Variants in BRSK2 observed in about 807,000 individuals in gnomAD.
The protein encoded by BRSK2 is BR serine/threonine kinase 2.
A neutral mutation model predicts 83.3 loss-of-function variants in BRSK2; 19 were observed. That is an observed-to-expected ratio of 0.23 (90% confidence interval 0.16 to 0.33). The LOEUF is 0.33. BRSK2 is among the 10% of genes least tolerant of loss of function. The pLI is 1.00. For missense variants in BRSK2, 798 were observed against 1,042.3 expected (o/e 0.77, Z 3.23); for synonymous variants, 519 against 435.4 (o/e 1.19, Z -2.39).
chr11:1,399,231 G>T (rs768238893), intron 1 of BRSK2, among the ~76,000 whole-genome samples: 1 of 152,148 alleles, frequency 6.6e-6, no homozygotes, highest in Non-Finnish European at 1.5e-5. Context: ...GGTTCCAGAC[G>T]CTGGCTGAGT....
chr11:1,433,824 C>T (rs1407928551), intron 1 of BRSK2, among the ~76,000 whole-genome samples: 1 of 152,238 alleles, frequency 6.6e-6, no homozygotes, highest in Non-Finnish European at 1.5e-5. Flanking sequence ...CCACCCCCCA[C>T]CCCTGGCACT....
At chr11:1,413,503 G>C (rs1301442937) in intron 1 of BRSK2, among the ~76,000 whole-genome samples, 2 of 152,192 alleles carry the variant, frequency 1.3e-5, no homozygotes, top group Non-Finnish European at 2.9e-5. Flanking sequence ...TGCCCAGGCT[G>C]TGCCCTGACC....
chr11:1,428,977 CGTGTGCACTGG>C (rs1849582090), intron 1 of BRSK2, among the ~76,000 whole-genome samples: 1 of 143,682 alleles, frequency 7.0e-6, no homozygotes, highest in African/African-American at 2.6e-5. Context: ...GGCGTGTGGG[CGTGTGCACTGG>C]GTGTGTCCTG....
intron 1 of BRSK2, among the ~76,000 whole-genome samples, chr11:1,418,815 A>T (rs1848364982): frequency 6.6e-6 from 1 of 152,256 alleles, no homozygotes; most frequent in African/African-American, 2.4e-5. Flanking sequence ...GCTCAGCCAG[A>T]TCCAAACAGG....
Position 1,461,164 on chromosome 11 carries a change from G to A in BRSK2, c.*441G>A, listed in dbSNP as rs573708670. ...CCCGTGGGAGGAAGGCCAGGCTCGG[G>A]GGAGCCTCCTCCAGCCCGGCCGACC... On this transcript the variant is annotated 3_prime_UTR_variant, in exon 20 of 20. Coordinates refer to ENST00000528841, the MANE Select transcript of BRSK2 (RefSeq NM_001256627.2). The A allele has an allele frequency of 2.1e-3, 2,125 of 995,916 alleles. 7 individuals carry two copies. The highest frequency in any genetic ancestry group is 6.7e-3 in the Admixed American group (225 of 33,808). The allele number at this position is 995,916 out of a possible 1,614,324, so 61.7% of individuals were successfully genotyped here.
chr11:1,399,109 CG>C (rs1846305399), intron 1 of BRSK2, among the ~76,000 whole-genome samples: 1 of 152,186 alleles, frequency 6.6e-6, no homozygotes, highest in African/African-American at 2.4e-5. Flanking sequence ...CAGGCAGCCC[CG>C]CCCCAGGCCA....
intron 3 of BRSK2, among the ~76,000 whole-genome samples, chr11:1,439,806 G>A (rs973654363): frequency 6.7e-6 from 1 of 148,754 alleles, no homozygotes; most frequent in African/African-American, 2.5e-5. Flanking sequence ...CCCTGCCCTG[G>A]GGGCTTCACA....
chr11:1,461,012 CCT>C lies in BRSK2; in HGVS notation c.*292_*293del. 2.5e-6 allele frequency: 4 copies of C among 1,611,986 alleles called. No individual in the cohort carries two copies. Among genetic ancestry groups the C allele is most frequent in the Non-Finnish European group, 3.4e-6 (4 of 1,179,284 alleles). Reference sequence around the variant, plus strand: ...TAACATGTCACCTCCACGAGGCCATCCTCTGTGACCGAAGGCAGCTGCTGCGG... The same window carrying C: ...TAACATGTCACCTCCACGAGGCCATCCTGTGACCGAAGGCAGCTGCTGCGG... On this transcript the variant is annotated 3_prime_UTR_variant, in exon 20 of 20. Coordinates refer to ENST00000528841, the MANE Select transcript of BRSK2 (RefSeq NM_001256627.2).
chr11:1,413,976 T>C (rs888908304), intron 1 of BRSK2, among the ~76,000 whole-genome samples: 3 of 152,248 alleles, frequency 2.0e-5, no homozygotes, highest in Non-Finnish European at 4.4e-5. Flanking sequence ...AGCCACTTCC[T>C]CACACGGTTT....
intron 2 of BRSK2, 116 bp downstream of exon 2, chr11:1,436,250 G>GGGGGGGGGGGGCCCCCCCC: frequency 5.9e-6 from 1 of 168,876 alleles, no homozygotes; most frequent in Non-Finnish European, 9.5e-6. Context: ...GGGGGGGCGG[G>GGGGGGGGGGGGCCCCCCCC]CCCTGCAGGC....
chr11:1,440,635 G>C (rs1044114294), intron 3 of BRSK2, among the ~76,000 whole-genome samples, 153 bp from the exon 4 acceptor site: 7 of 150,538 alleles, frequency 4.6e-5, no homozygotes, highest in Admixed American at 4.6e-4. Flanking sequence ...ATCCACCATA[G>C]TCAGGGCTCC....
chr11:1,398,933 T>A (rs1846292590), intron 1 of BRSK2, among the ~76,000 whole-genome samples: 1 of 152,174 alleles, frequency 6.6e-6, no homozygotes, highest in African/African-American at 2.4e-5. Context: ...AGACTGGCCC[T>A]TGGCACCCGC....
intron 1 of BRSK2, among the ~76,000 whole-genome samples, chr11:1,406,694 G>A (rs1846896634): frequency 6.6e-6 from 1 of 152,188 alleles, no homozygotes. Flanking sequence ...TGTGTGTCCA[G>A]CACTCGGCCG....
chr11:1,395,869 G>A (rs911628648), intron 1 of BRSK2, among the ~76,000 whole-genome samples: 11 of 152,178 alleles, frequency 7.2e-5, no homozygotes, highest in African/African-American at 1.9e-4. Flanking sequence ...CTGCTGCCCC[G>A]CCTGCTCCAC....
At position 1,440,331 on chromosome 11, in the gene BRSK2, G is replaced by A. The variant is rs114920761; in HGVS notation, c.273-457G>A. On this transcript the variant is annotated intron_variant, in intron 3 of 19. Coordinates refer to ENST00000528841, the MANE Select transcript of BRSK2 (RefSeq NM_001256627.2). ...TGTTCCCCCCACAGAGGCCCAGACAGTCCCTGGGCCCCTGGATGCGGCTGC... is the reference window on the plus strand; with the variant it reads ...TGTTCCCCCCACAGAGGCCCAGACAATCCCTGGGCCCCTGGATGCGGCTGC... Among the ~76,000 whole-genome samples, 1,186 of 152,256 alleles carry A rather than the reference G, an allele frequency of 7.8e-3. 9 individuals carry two copies. The highest frequency in any genetic ancestry group is 0.027 in the African/African-American group (1,122 of 41,548).
At chr11:1,443,268 G>C in intron 6 of BRSK2, 67 bp from the exon 7 acceptor site, 3 of 1,539,584 alleles carry the variant, frequency 1.9e-6, no homozygotes, top group Non-Finnish European at 2.6e-6. Context: ...CTCCCTCTGA[G>C]CCCAGGCCCT....
At chr11:1,424,872 C>T (rs1849025243) in intron 1 of BRSK2, among the ~76,000 whole-genome samples, 1 of 152,206 alleles carries the variant, frequency 6.6e-6, no homozygotes, top group Non-Finnish European at 1.5e-5. Flanking sequence ...CTGCATGCTT[C>T]CCCTTCCTGG....
chr11:1,442,122 C>T (rs1328799661), intron 4 of BRSK2, among the ~76,000 whole-genome samples: 1 of 151,240 alleles, frequency 6.6e-6, no homozygotes, highest in Non-Finnish European at 1.5e-5. Flanking sequence ...GGCACCCACC[C>T]AAGCACTCTG....
intron 1 of BRSK2, among the ~76,000 whole-genome samples, chr11:1,408,773 GTGTGTTTGGC>G (rs1847098072): frequency 2.6e-5 from 2 of 76,302 alleles, no homozygotes; most frequent in African/African-American, 8.1e-5. Flanking sequence ...GGGTGTGTGT[GTGTGTTTGGC>G]TGTGCAAGGG....
Sources: allele counts gnomAD v4.1 joint callset (sites outside exome capture counted in the v4.1 genomes callset), GRCh38; gene constraint gnomAD v4.1.1; transcripts MANE v1.5; gene names NCBI Gene and HGNC (gene_info 2026-07-23, HGNC 2026-07-21).